The following DCC variants were observed in gnomAD, a reference collection of about 807,000 sequenced individuals.
The protein encoded by DCC is netrin receptor DCC.
DCC carries 58 observed loss-of-function variants against 172.5 expected under a neutral mutation model. The observed-to-expected ratio is 0.34, with a 90% CI of 0.27 to 0.42. DCC has a LOEUF of 0.42. Ranked by LOEUF, DCC falls within the 10% of genes least tolerant of loss-of-function variation. The pLI is 1.00. For synonymous variants in DCC, 709 were observed against 644.5 expected (o/e 1.10, Z -1.52); for missense variants, 1,740 against 1,791.0 (o/e 0.97, Z 0.51).
At chr18:52,848,167 C>A (rs993789490) in intron 2 of DCC, among the ~76,000 whole-genome samples, 10 of 148,402 alleles carry the variant, frequency 6.7e-5, no homozygotes, top group African/African-American at 2.5e-4. Context: ...CTCACTGCAA[C>A]CTCCGCCTCC....
chr18:52,458,553 C>A (rs1453577621), intron 1 of DCC, among the ~76,000 whole-genome samples: 2 of 152,132 alleles, frequency 1.3e-5, no homozygotes, highest in African/African-American at 4.8e-5. Context: ...CTCTTACACC[C>A]TTTTTCTTTT....
intron 15 of DCC, among the ~76,000 whole-genome samples, chr18:53,348,649 C>T (rs1490185501): frequency 6.6e-6 from 1 of 152,172 alleles, no homozygotes; most frequent in Non-Finnish European, 1.5e-5. Flanking sequence ...AAACTTCTGC[C>T]TGGACATCCA....
intron 12 of DCC, among the ~76,000 whole-genome samples, chr18:53,301,226 A>T (rs2144772813): frequency 6.6e-6 from 1 of 151,740 alleles, no homozygotes; most frequent in East Asian, 1.9e-4. Flanking sequence ...AGTAGGTGGG[A>T]TTACAGGCAT....
chr18:53,188,007 C>G (rs2055310286), intron 9 of DCC, among the ~76,000 whole-genome samples: 1 of 152,196 alleles, frequency 6.6e-6, no homozygotes, highest in African/African-American at 2.4e-5. Context: ...AGCAATGGAA[C>G]TCTAAGCCCA....
chr18:52,872,879 AT>A (rs2145387093), intron 2 of DCC, among the ~76,000 whole-genome samples: 1 of 152,268 alleles, frequency 6.6e-6, no homozygotes, highest in Non-Finnish European at 1.5e-5. Context: ...ACATTTTATT[AT>A]TTCTTTGCCC....
intron 7 of DCC, among the ~76,000 whole-genome samples, chr18:53,136,164 A>T (rs537705909): frequency 2.7e-5 from 4 of 146,222 alleles, no homozygotes; most frequent in African/African-American, 9.8e-5. Flanking sequence ...TATGTATTAT[A>T]TGGGTATATT....
chr18:52,615,847 T>A (rs1001067062), intron 1 of DCC, among the ~76,000 whole-genome samples: 4 of 152,268 alleles, frequency 2.6e-5, no homozygotes, highest in African/African-American at 9.6e-5. Flanking sequence ...AGATGTAATA[T>A]ACTGGGTTTT....
rs146027153 is a variant in DCC, at chr18:53,255,699, A to T, written c.1911+40102A>T. On this transcript the variant is annotated intron_variant, in intron 12 of 28. Transcript: ENST00000442544. ...TACATGTGCATGTCTTTATAGCAGC[A>T]TGTTTTATATTCCTTTGGGTATATA... Among the ~76,000 whole-genome samples, 67 of 152,250 alleles carry T rather than the reference A, an allele frequency of 4.4e-4. 1 individual carries two copies. The highest frequency in any genetic ancestry group is 1.5e-3 in the African/African-American group (61 of 41,556).
In DCC at chr18:53,451,168, G is replaced by T. The variant is rs1424383584; in HGVS notation, c.3392+506G>T. On this transcript the variant is annotated intron_variant, in intron 23 of 28. Coordinates refer to ENST00000442544, the MANE Select transcript of DCC (RefSeq NM_005215.4). ...GTTGGTGCTTAGTTTGGAGGCAGTA[G>T]TTAAGAAAGAAGAGAGAGTTCTGAG... is the stretch of plus-strand genomic sequence containing the variant. 1.8e-4 allele frequency among the ~76,000 whole-genome samples: 27 copies of T among 152,212 alleles called. 1 individual carries two copies. Among genetic ancestry groups the T allele is most frequent in the Admixed American group, 1.8e-3 (27 of 15,284 alleles).
At chr18:53,053,854 A>G (rs2042366942) in intron 5 of DCC, among the ~76,000 whole-genome samples, 1 of 152,144 alleles carries the variant, frequency 6.6e-6, no homozygotes, top group South Asian at 2.1e-4. Context: ...TTTAGTTCAC[A>G]GCTAAAACAG....
intron 27 of DCC, among the ~76,000 whole-genome samples, chr18:53,511,270 C>CT (rs1270969846): frequency 1.3e-5 from 2 of 152,204 alleles, no homozygotes; most frequent in Non-Finnish European, 2.9e-5. Context: ...GAATCACAGC[C>CT]TTTTGGAAAA....
rs533379616 is a variant in DCC, at chr18:53,496,164, GAGACACCTCCCAGTTGGAGCTGAC to G, written c.3899-3124_3899-3101del. On this transcript the variant is annotated intron_variant, in intron 26 of 28. Coordinates refer to ENST00000442544, the MANE Select transcript of DCC (RefSeq NM_005215.4). ...CATCCAGCCCATGTATCCTGACTGG[GAGACACCTCCCAGTTGGAGCTGAC>G]AGACACCTCATATAGGCAAGCTCTG... 4.6e-3 allele frequency among the ~76,000 whole-genome samples: 693 copies of G among 152,268 alleles called. 9 individuals carry two copies. Among genetic ancestry groups the G allele is most frequent in the Middle Eastern group, 0.014 (4 of 294 alleles).
intron 2 of DCC, among the ~76,000 whole-genome samples, chr18:52,796,164 G>A (rs112631156): frequency 0.044 from 6,538 of 149,942 alleles, 219 homozygotes; most frequent in South Asian, 0.16. Context: ...GTTTCTTATC[G>A]GTGGCATATA....
chr18:53,428,556 T>TTATATATATATATAAATATATTTA (rs770856556), intron 21 of DCC, among the ~76,000 whole-genome samples: 1 of 45,540 alleles, frequency 2.2e-5, no homozygotes, highest in African/African-American at 6.7e-5. Flanking sequence ...ATAAATATAT[T>TTATATATATATATAAATATATTTA]TATATATATA....
chr18:53,508,751 A>T (rs940088135), intron 27 of DCC, among the ~76,000 whole-genome samples: 4 of 152,142 alleles, frequency 2.6e-5, no homozygotes, highest in African/African-American at 9.7e-5. Flanking sequence ...ACCTTATGAG[A>T]GACGGTGAGC....
intron 1 of DCC, among the ~76,000 whole-genome samples, chr18:52,357,402 C>A (rs1984417345): frequency 6.6e-6 from 1 of 152,222 alleles, no homozygotes; most frequent in South Asian, 2.1e-4. Flanking sequence ...AAAGCACTCT[C>A]AATGGTCAAA....
chr18:52,479,536 C>G (rs968616712), intron 1 of DCC, among the ~76,000 whole-genome samples: 1 of 151,212 alleles, frequency 6.6e-6, no homozygotes, highest in African/African-American at 2.4e-5. Context: ...CCTCATCTCT[C>G]TCTCTCTCTC....
intron 21 of DCC, among the ~76,000 whole-genome samples, chr18:53,429,179 G>T (rs1911436695): frequency 1.1e-5 from 1 of 91,296 alleles, no homozygotes. Context: ...TTTACTTGTT[G>T]GCCTGGCAAA....
At chr18:52,556,131 G>T (rs1650177739) in intron 1 of DCC, among the ~76,000 whole-genome samples, 1 of 151,674 alleles carries the variant, frequency 6.6e-6, no homozygotes, top group Admixed American at 6.6e-5. Context: ...TACAGATGTA[G>T]CCCCTAAATA....
Sources: gnomAD v4.1 joint callset for allele counts (sites outside exome capture counted in the v4.1 genomes callset) on GRCh38, gnomAD v4.1.1 for gene constraint, MANE v1.5 for transcripts, NCBI Gene and HGNC (gene_info 2026-07-23, HGNC 2026-07-21) for gene names.